Variants in KCND2 observed in about 807,000 individuals in gnomAD.
The protein encoded by KCND2 is potassium voltage-gated channel subfamily D member 2, also known as A-type voltage-gated potassium channel KCND2.
A neutral mutation model predicts 54.4 loss-of-function variants in KCND2; 16 were observed. The observed-to-expected ratio is 0.29, with a 90% CI of 0.20 to 0.45. The LOEUF (loss-of-function observed/expected upper bound fraction) is 0.45, where lower values mean the gene tolerates loss of function less well. Among genes scored for constraint, KCND2 ranks in the 20% least tolerant of loss-of-function variants. KCND2 has a pLI of 1.00. For synonymous variants in KCND2, 317 were observed against 310.7 expected (o/e 1.02, Z -0.21); for missense variants, 486 against 824.2 (o/e 0.59, Z 5.02).
intron 1 of KCND2, among the ~76,000 whole-genome samples, chr7:120,676,625 TAAGATAGATATATTTC>T (rs1260974594): frequency 2.0e-5 from 3 of 152,190 alleles, no homozygotes; most frequent in African/African-American, 7.2e-5. Context: ...TGATTCATAT[TAAGATAGATATATTTC>T]AAGATATCAA....
At position 120,681,450 on chromosome 7, in the gene KCND2, C is replaced by G. The variant is rs143225733; in HGVS notation, c.1116-51453C>G. ...CCAACTAAACACATGTGCTCTGTAA[C>G]CACAATTTTTTACCTTTGCCAACAT... On this transcript the variant is annotated intron_variant, in intron 1 of 5. Transcript: ENST00000331113. 1.4e-3 allele frequency among the ~76,000 whole-genome samples: 217 copies of G among 151,954 alleles called. 1 individual carries two copies. The highest frequency in any genetic ancestry group is 5.2e-3 in the African/African-American group (215 of 41,484).
chr7:120,529,953 G>C (rs1584815122), intron 1 of KCND2, among the ~76,000 whole-genome samples: 1 of 151,984 alleles, frequency 6.6e-6, no homozygotes, highest in African/African-American at 2.4e-5. Context: ...CACTCCTGTG[G>C]TCCCAGTTAC....
chr7:120,364,402 A>G (rs1800637431), intron 1 of KCND2, among the ~76,000 whole-genome samples: 1 of 152,154 alleles, frequency 6.6e-6, no homozygotes, highest in East Asian at 1.9e-4. Context: ...TTCAAAGCAA[A>G]ACCATTCACA....
intron 1 of KCND2, among the ~76,000 whole-genome samples, chr7:120,403,202 T>C (rs1450824546): frequency 2.0e-5 from 3 of 152,162 alleles, no homozygotes; most frequent in Admixed American, 1.3e-4. Context: ...AAGAGAGAAT[T>C]TGTGACTGAG....
chr7:120,575,253 A>G (rs930779656), intron 1 of KCND2, among the ~76,000 whole-genome samples: 1 of 152,184 alleles, frequency 6.6e-6, no homozygotes, highest in Non-Finnish European at 1.5e-5. Flanking sequence ...AGGGAAGCCA[A>G]CAGTGCAGCC....
chr7:120,607,190 TG>T (rs1197978393), intron 1 of KCND2, among the ~76,000 whole-genome samples: 62 of 21,262 alleles, frequency 2.9e-3, no homozygotes, highest in African/African-American at 6.5e-3. Flanking sequence ...GATTAAGGTT[TG>T]TTTTTTTTTT....
At chr7:120,374,052 C>T (rs1037875659) in intron 1 of KCND2, among the ~76,000 whole-genome samples, 2 of 151,586 alleles carry the variant, frequency 1.3e-5, no homozygotes, top group Non-Finnish European at 3.0e-5. Context: ...TCATAATTAC[C>T]ATATTTTTTG....
intron 1 of KCND2, among the ~76,000 whole-genome samples, chr7:120,672,496 T>C (rs557200110): frequency 1.2e-4 from 18 of 152,242 alleles, no homozygotes; most frequent in Admixed American, 2.0e-4. Flanking sequence ...AATCTACTGC[T>C]GTGGCCCCTC....
intron 1 of KCND2, among the ~76,000 whole-genome samples, chr7:120,330,205 G>A (rs987899): frequency 0.96 from 145,613 of 152,158 alleles, 69,992 homozygotes; most frequent in East Asian, 1. Flanking sequence ...AATGAAGGTA[G>A]TAAAATACCT....
At chr7:120,432,816 T>C (rs1801813652) in intron 1 of KCND2, among the ~76,000 whole-genome samples, 1 of 152,268 alleles carries the variant, frequency 6.6e-6, no homozygotes, top group African/African-American at 2.4e-5. Context: ...TAGAGAATTA[T>C]TCCTCTCATC....
intron 1 of KCND2, among the ~76,000 whole-genome samples, chr7:120,356,446 A>G (rs537968311): frequency 2.0e-5 from 3 of 152,176 alleles, no homozygotes; most frequent in African/African-American, 7.2e-5. Context: ...TAAATCATAA[A>G]TAAATACTTT....
At chr7:120,534,800 G>C (rs536264567) in intron 1 of KCND2, among the ~76,000 whole-genome samples, 1 of 152,130 alleles carries the variant, frequency 6.6e-6, no homozygotes, top group East Asian at 1.9e-4. Flanking sequence ...TAAATTTAAG[G>C]ATGTCTCTTG....
At chr7:120,284,460 T>A (rs1218458470) in intron 1 of KCND2, among the ~76,000 whole-genome samples, 1 of 152,192 alleles carries the variant, frequency 6.6e-6, no homozygotes, top group Non-Finnish European at 1.5e-5. Context: ...AAAATATGTC[T>A]AGATTGTATC....
intron 1 of KCND2, among the ~76,000 whole-genome samples, chr7:120,400,278 G>A (rs540407516): frequency 3.9e-5 from 6 of 152,226 alleles, no homozygotes; most frequent in Non-Finnish European, 7.4e-5. Flanking sequence ...ATAAGGAGGA[G>A]TACTTTAGGC....
At chr7:120,514,975 TCATTCCTACTTAAAATG>T (rs1803174831) in intron 1 of KCND2, among the ~76,000 whole-genome samples, 1 of 152,110 alleles carries the variant, frequency 6.6e-6, no homozygotes, top group Non-Finnish European at 1.5e-5. Context: ...GTTAGGAATT[TCATTCCTACTTAAAATG>T]CATTCTTATT....
chr7:120,637,930 G>T (rs1793324974), intron 1 of KCND2, among the ~76,000 whole-genome samples: 1 of 151,750 alleles, frequency 6.6e-6, no homozygotes, highest in South Asian at 2.1e-4. Flanking sequence ...AAAGTATAAA[G>T]AAACCAACAC....
intron 1 of KCND2, among the ~76,000 whole-genome samples, chr7:120,661,649 C>CAA (rs796133968): frequency 8.2e-6 from 1 of 121,332 alleles, no homozygotes; most frequent in African/African-American, 3.4e-5. Context: ...GACTTCTTCT[C>CAA]AAAAAAAAAA....
At chr7:120,682,394 T>C (rs1268587066) in intron 1 of KCND2, among the ~76,000 whole-genome samples, 1 of 152,102 alleles carries the variant, frequency 6.6e-6, no homozygotes, top group Non-Finnish European at 1.5e-5. Flanking sequence ...ACTGATAGAA[T>C]ACAGTGTAAA....
chr7:120,739,353 T>A (rs1016167550), intron 2 of KCND2, among the ~76,000 whole-genome samples: 20 of 152,094 alleles, frequency 1.3e-4, no homozygotes, highest in African/African-American at 4.3e-4. Flanking sequence ...ATAAATTGCT[T>A]ATTTCTGAAT....
Sources: allele counts gnomAD v4.1 joint callset (sites outside exome capture counted in the v4.1 genomes callset), GRCh38; gene constraint gnomAD v4.1.1; transcripts MANE v1.5; gene names NCBI Gene and HGNC (gene_info 2026-07-23, HGNC 2026-07-21).